Variants in RDX observed in about 807,000 individuals in gnomAD.
The protein encoded by RDX is deafness, autosomal recessive 24.
In RDX, 32 loss-of-function variants were observed where a neutral mutation model predicts 83.7. That is an observed-to-expected ratio of 0.38 (90% CI 0.29 to 0.51). RDX has a LOEUF of 0.51. Ranked by LOEUF, RDX falls within the 20% of genes least tolerant of loss-of-function variation. The probability of loss-of-function intolerance (pLI) is 0.87; values close to 1 mark genes in which losing one functional copy is unlikely to be tolerated. For missense variants in RDX, 600 were observed against 689.9 expected (o/e 0.87, Z 1.46); for synonymous variants, 229 against 222.7 (o/e 1.03, Z -0.25).
downstream of RDX, among the ~76,000 whole-genome samples, chr11:110,225,473 T>C (rs1435120127): frequency 1.3e-5 from 2 of 152,154 alleles, no homozygotes; most frequent in Non-Finnish European, 2.9e-5. Flanking sequence ...CCAAAAATGA[T>C]ATATAAATGG....
At chr11:110,234,959 C>A (rs1260917153) in intron 12 of RDX, among the ~76,000 whole-genome samples, 1 of 152,126 alleles carries the variant, frequency 6.6e-6, no homozygotes, top group Non-Finnish European at 1.5e-5. Flanking sequence ...ATTAAACTCT[C>A]ATTATCTTAT....
chr11:110,202,379 G>C lies in RDX; in HGVS notation c.1749-2701C>G, dbSNP rs1474591450. Reference sequence around the variant, plus strand: ...CTCACATTCCAGCCTGGGCAAGAGAGCAAGACTTCATCTAAAAAAAAAAAT... The same window carrying C: ...CTCACATTCCAGCCTGGGCAAGAGACCAAGACTTCATCTAAAAAAAAAAAT... On this transcript the variant is annotated intron_variant, in intron 14 of 15. Coordinates refer to the RDX transcript ENST00000528498. Among the ~76,000 whole-genome samples the C allele has an allele frequency of 3.3e-5, 5 of 151,940 alleles. No homozygotes were observed. The East Asian group carries it at 9.8e-4, about 30-fold the overall frequency.
At chr11:110,202,898 G>T (rs1215992775) in intron 14 of RDX, among the ~76,000 whole-genome samples, 1 of 152,078 alleles carries the variant, frequency 6.6e-6, no homozygotes, top group Non-Finnish European at 1.5e-5. Context: ...TGCTGGTGAG[G>T]ATGTGAAGAA....
chr11:110,265,437 C>A (rs911471762), intron 3 of RDX, among the ~76,000 whole-genome samples: 1 of 151,544 alleles, frequency 6.6e-6, no homozygotes, highest in Non-Finnish European at 1.5e-5. Context: ...CTTACTTGAT[C>A]CACTTTTTCA....
intron 14 of RDX, among the ~76,000 whole-genome samples, chr11:110,218,312 A>C (rs527929410): frequency 6.6e-6 from 1 of 152,354 alleles, no homozygotes; most frequent in South Asian, 2.1e-4. Flanking sequence ...GCTCTTTTCA[A>C]TGATGTTCTT....
downstream of RDX, among the ~76,000 whole-genome samples, chr11:110,225,981 G>A (rs530528114): frequency 2.0e-5 from 3 of 149,640 alleles, no homozygotes; most frequent in South Asian, 2.1e-4. Flanking sequence ...CAGGACAATC[G>A]CTTGAACCCA....
intron 14 of RDX, among the ~76,000 whole-genome samples, chr11:110,218,350 C>T (rs549560773): frequency 4.6e-5 from 7 of 152,336 alleles, no homozygotes; most frequent in Admixed American, 4.6e-4. Flanking sequence ...ACATTTTAAA[C>T]ATCGTAATAG....
intron 15 of RDX, among the ~76,000 whole-genome samples, chr11:110,189,695 A>C (rs1863066969): frequency 6.6e-6 from 1 of 152,244 alleles, no homozygotes; most frequent in South Asian, 2.1e-4. Flanking sequence ...AAATCAGTAC[A>C]AAGAAGATCT....
At chr11:110,266,869 C>A (rs1199653075) in intron 3 of RDX, among the ~76,000 whole-genome samples, 1 of 150,728 alleles carries the variant, frequency 6.6e-6, no homozygotes, top group Non-Finnish European at 1.5e-5. Flanking sequence ...ATTATAGATG[C>A]AAGCCACTGC....
At chr11:110,177,753 G>A (rs566949511) in intron 15 of RDX, among the ~76,000 whole-genome samples, 1 of 152,010 alleles carries the variant, frequency 6.6e-6, no homozygotes, top group Non-Finnish European at 1.5e-5. Flanking sequence ...CAAAGTGCTG[G>A]GATTACAGGC....
At chr11:110,235,306 C>T (rs987966626) in intron 12 of RDX, among the ~76,000 whole-genome samples, 2 of 152,154 alleles carry the variant, frequency 1.3e-5, no homozygotes, top group African/African-American at 4.8e-5. Context: ...TGCCACTGCA[C>T]TCCAGCCTGG....
chr11:110,231,947 G>C lies in RDX; in HGVS notation c.1674C>G (p.Gly558=), dbSNP rs1358519670. The change falls in exon 14 of 14, where the codon GGC becomes GGG. Residue 558 remains glycine (G), a synonymous_variant. Coordinates refer to ENST00000645495, the MANE Select transcript of RDX (RefSeq NM_002906.4). ...GTCGCAGAGTCTTGTACTTATCACG[G>C]CCTGCTTTAACATTCTCAGCATGAA... ...DVLHAENVKA[G]RDKYKTLRQI... The C allele has an allele frequency of 7.4e-6, 12 of 1,613,656 alleles. No individual in the cohort carries two copies. The highest frequency in any genetic ancestry group is 1.0e-5 in the Non-Finnish European group (12 of 1,179,906).
At chr11:110,252,434 CAT>C (rs544768842) in intron 9 of RDX, among the ~76,000 whole-genome samples, 40 of 152,164 alleles carry the variant, frequency 2.6e-4, no homozygotes, top group African/African-American at 9.6e-4. Flanking sequence ...AATATATCAA[CAT>C]TATGAATGAG....
chr11:110,275,609 C>A (rs1860482512), intron 2 of RDX, among the ~76,000 whole-genome samples: 1 of 152,100 alleles, frequency 6.6e-6, no homozygotes, highest in Non-Finnish European at 1.5e-5. Context: ...CGTAGGAAGT[C>A]TTTATATATT....
intron 14 of RDX, among the ~76,000 whole-genome samples, chr11:110,217,807 C>A (rs1246703934): frequency 6.6e-6 from 1 of 152,166 alleles, no homozygotes; most frequent in Non-Finnish European, 1.5e-5. Context: ...CCTCTATAAC[C>A]TTGTCACTGT....
chr11:110,198,568 G>C (rs1464751200), intron 15 of RDX, among the ~76,000 whole-genome samples: 1 of 152,158 alleles, frequency 6.6e-6, no homozygotes. Context: ...GATTCTCAAA[G>C]GAGCGAACCC....
chr11:110,177,016 G>T (rs1862788141), intron 15 of RDX, among the ~76,000 whole-genome samples: 1 of 152,202 alleles, frequency 6.6e-6, no homozygotes, highest in Non-Finnish European at 1.5e-5. Flanking sequence ...TTGCCCAAAA[G>T]ACCCTCTGAG....
rs60766252 is a variant in RDX at position 110,221,601 on chromosome 11, AACACACACACAC to A, written c.1748+10260_1748+10271del. The stretch of plus-strand genomic sequence containing the variant: ...CAACAGAGCAAGACCCTGTCTCCAA[AACACACACACAC>A]ACACACACACACACACACACACACA... On this transcript the variant is annotated intron_variant, in intron 14 of 15. Transcript: ENST00000528498. Among the ~76,000 whole-genome samples the A allele has an allele frequency of 2.5e-3, 335 of 133,596 alleles. 1 individual carries two copies. The highest frequency in any genetic ancestry group is 8.1e-3 in the African/African-American group (283 of 34,812). 87.6% of individuals were successfully genotyped at this position (133,596 alleles called of 152,430 possible).
At chr11:110,259,655 A>T (rs1341980484) in intron 5 of RDX, among the ~76,000 whole-genome samples, 1 of 152,172 alleles carries the variant, frequency 6.6e-6, no homozygotes, top group Non-Finnish European at 1.5e-5. Context: ...GAGAGAGCTT[A>T]GGTTTCCACA....
Sources: allele counts gnomAD v4.1 joint callset (sites outside exome capture counted in the v4.1 genomes callset), GRCh38; gene constraint gnomAD v4.1.1; transcripts MANE v1.5; gene names NCBI Gene and HGNC (gene_info 2026-07-23, HGNC 2026-07-21).